Variants in AQR observed in about 807,000 individuals in gnomAD.
AQR encodes RNA helicase aquarius.
AQR carries 61 observed loss-of-function variants against 180.5 expected under a neutral mutation model. The observed-to-expected ratio is 0.34, with a 90% CI of 0.28 to 0.42. The LOEUF (loss-of-function observed/expected upper bound fraction) is 0.42, where lower values mean the gene tolerates loss of function less well. Among genes scored for constraint, AQR ranks in the 10% least tolerant of loss-of-function variants. The pLI is 1.00. For missense variants in AQR, 1,281 were observed against 1,798.3 expected (o/e 0.71, Z 5.20); for synonymous variants, 551 against 588.8 (o/e 0.94, Z 0.93).
chr15:34,969,397 C>T, intron 1 of AQR, 142 bp downstream of exon 1: 1 of 888,764 alleles, frequency 1.1e-6, no homozygotes, highest in African/African-American at 1.7e-5. Flanking sequence ...GGAGCTGATA[C>T]TCAGTAAAAA....
intron 13 of AQR, among the ~76,000 whole-genome samples, chr15:34,926,036 G>C (rs1459987965): frequency 6.6e-6 from 1 of 151,614 alleles, no homozygotes; most frequent in South Asian, 2.1e-4. Context: ...GCGTGGTGGC[G>C]GGCGCCTGTA....
intron 9 of AQR, 57 bp from the exon 10 acceptor site, chr15:34,934,692 GT>G: frequency 8.1e-7 from 1 of 1,233,164 alleles, no homozygotes; most frequent in South Asian, 1.6e-5. Context: ...TTTGCATGCT[GT>G]TTCTGAAAAC....
At position 34,895,206 on chromosome 15, in the gene AQR, ATATATATATATATATG is replaced by A. The variant is rs1261993566; in HGVS notation, c.2461-1449_2461-1434del. On this transcript the variant is annotated intron_variant, in intron 22 of 34. Coordinates refer to ENST00000156471, the MANE Select transcript of AQR (RefSeq NM_014691.3). ...AAAAAAAATATATATATATATATAT[ATATATATATATATATG>A]AAACAAATAAAAACATAATACTCAA... is the stretch of plus-strand genomic sequence containing the variant. Among the ~76,000 whole-genome samples, 36 of 102,804 alleles carry A rather than the reference ATATATATATATATATG, an allele frequency of 3.5e-4. 3 individuals carry two copies. The highest frequency in any genetic ancestry group is 5.0e-4 in the Non-Finnish European group (25 of 49,830). 67.4% of individuals were successfully genotyped at this position (102,804 alleles called of 152,430 possible). A position where few individuals can be genotyped will look rare whatever the true frequency, so the allele number is the denominator to read the frequency against.
intron 3 of AQR, among the ~76,000 whole-genome samples, chr15:34,955,931 C>G (rs1164312922): frequency 6.6e-6 from 1 of 150,848 alleles, no homozygotes; most frequent in Non-Finnish European, 1.5e-5. Context: ...AAAAATGAAG[C>G]CAGCCACAAA....
At chr15:34,957,988 C>A (rs1236617207) in intron 3 of AQR, among the ~76,000 whole-genome samples, 2 of 151,410 alleles carry the variant, frequency 1.3e-5, no homozygotes, top group Non-Finnish European at 2.9e-5. Flanking sequence ...GGCGGGCGAT[C>A]ACAAGGTCGG....
chr15:34,889,711 G>A (rs1247371503), intron 24 of AQR, among the ~76,000 whole-genome samples: 1 of 151,428 alleles, frequency 6.6e-6, no homozygotes, highest in Non-Finnish European at 1.5e-5. Context: ...TTGCTCTGTC[G>A]CCAGGCTGGA....
At chr15:34,930,467 A>C in intron 11 of AQR, 96 bp from the exon 12 acceptor site, 1 of 656,816 alleles carries the variant, frequency 1.5e-6, no homozygotes, top group East Asian at 2.6e-5. Flanking sequence ...ACAGTTTCTC[A>C]GAGGTGCTGA....
chr15:34,937,110 T>G (rs561858433), intron 9 of AQR, among the ~76,000 whole-genome samples: 1 of 152,216 alleles, frequency 6.6e-6, no homozygotes, highest in Non-Finnish European at 1.5e-5. Context: ...CAATCTCGGC[T>G]CACTGCAAGC....
intron 20 of AQR, 65 bp downstream of exon 20, chr15:34,900,557 C>A: frequency 6.5e-7 from 1 of 1,546,288 alleles, no homozygotes; most frequent in South Asian, 1.3e-5. Context: ...AGCTAACAAT[C>A]CTGATGGCAT....
rs150833089 is a variant in AQR at position 34,900,669 on chromosome 15, A to G, written c.2196T>C (p.Asn732=). 1 of 1,614,186 alleles carries G rather than the reference A, an allele frequency of 6.2e-7. No homozygotes were observed. The highest frequency in any genetic ancestry group is 2.2e-5 in the East Asian group (1 of 44,882). ...CAGGGTCTTCTACAGTTACTTTAAC[A>G]TTATGACCAGGGAAGCTGGCTTTTA... ...EHLKASFPGH[N]VKVTVEDPAL... The change falls in exon 20 of 35, where the codon AAT becomes AAC. Residue 732 remains asparagine (N), a synonymous_variant. Coordinates refer to ENST00000156471, the MANE Select transcript of AQR (RefSeq NM_014691.3).
intron 23 of AQR, among the ~76,000 whole-genome samples, chr15:34,893,364 A>C (rs1893179318): frequency 6.6e-6 from 1 of 152,130 alleles, no homozygotes; most frequent in Admixed American, 6.5e-5. Flanking sequence ...GAAGCAAGGG[A>C]GAGGAGGGGG....
chr15:34,888,164 G>C (rs1455217034), intron 24 of AQR, among the ~76,000 whole-genome samples: 2 of 151,836 alleles, frequency 1.3e-5, no homozygotes, highest in African/African-American at 4.8e-5. Flanking sequence ...CAGGTGTGGT[G>C]GTGGGCGCCT....
intron 33 of AQR, 83 bp downstream of exon 33, chr15:34,862,784 C>A: frequency 7.1e-7 from 1 of 1,411,570 alleles, no homozygotes; most frequent in South Asian, 1.3e-5. Flanking sequence ...AATAATGTTC[C>A]AAGCTAATGT....
chr15:34,938,586 A>C (rs758216910), intron 9 of AQR, 151 bp downstream of exon 9: 6 of 535,474 alleles, frequency 1.1e-5, no homozygotes, highest in Non-Finnish European at 2.0e-5. Flanking sequence ...CAATACTCAC[A>C]CTGGTAATGT....
intron 13 of AQR, among the ~76,000 whole-genome samples, chr15:34,923,392 G>A (rs554401205): frequency 2.2e-4 from 33 of 152,154 alleles, no homozygotes; most frequent in Middle Eastern, 3.4e-3. Flanking sequence ...AGGCTGTAGC[G>A]TGTTTTTTAA....
Position 34,955,626 on chromosome 15 carries a change from C to CG in AQR, c.174-2707dup, listed in dbSNP as rs1266994978. ...AACAGTGAACAAAAGAAGCCAGCTACGCCAGGCACAGTGGCTCACGTCTGT... is the reference window on the plus strand; with the variant it reads ...AACAGTGAACAAAAGAAGCCAGCTACGGCCAGGCACAGTGGCTCACGTCTGT... On this transcript the variant is annotated intron_variant, in intron 3 of 34. Coordinates refer to ENST00000156471, the MANE Select transcript of AQR (RefSeq NM_014691.3). 6.9e-4 allele frequency among the ~76,000 whole-genome samples: 105 copies of CG among 152,186 alleles called. 1 individual carries two copies. The highest frequency in any genetic ancestry group is 2.5e-3 in the African/African-American group (105 of 41,544).
At chr15:34,864,213 T>A (rs957313653) in intron 32 of AQR, among the ~76,000 whole-genome samples, 1 of 152,178 alleles carries the variant, frequency 6.6e-6, no homozygotes, top group African/African-American at 2.4e-5. Context: ...ATCATCTAGT[T>A]TCCTTAAGGA....
chr15:34,943,030 G>T lies in AQR; in HGVS notation c.472-950C>A, dbSNP rs1023464022. 5 of 1,570,110 alleles carry T rather than the reference G, an allele frequency of 3.2e-6. No individual in the cohort carries two copies. The African/African-American group carries it at 6.8e-5, about 21-fold the overall frequency. ...TTTATATTTCTATTTGTTCTGTTTAGTTTAATAAATGTTAAAGAGGCTTTC... is the reference window on the plus strand; with the variant it reads ...TTTATATTTCTATTTGTTCTGTTTATTTTAATAAATGTTAAAGAGGCTTTC... On this transcript the variant is annotated intron_variant, in intron 6 of 34. Coordinates refer to ENST00000156471, the MANE Select transcript of AQR (RefSeq NM_014691.3).
intron 16 of AQR, among the ~76,000 whole-genome samples, chr15:34,911,469 T>C (rs1893497299): frequency 6.6e-6 from 1 of 152,198 alleles, no homozygotes. Context: ...CTTTTGACTT[T>C]TGATAACAGC....
Sources: gnomAD v4.1 joint callset for allele counts (sites outside exome capture counted in the v4.1 genomes callset) on GRCh38, gnomAD v4.1.1 for gene constraint, MANE v1.5 for transcripts, NCBI Gene and HGNC (gene_info 2026-07-23, HGNC 2026-07-21) for gene names.